The following CNTNAP3B variants were observed in gnomAD, a reference collection of about 807,000 sequenced individuals.
The protein encoded by CNTNAP3B is contactin associated protein family member 3B.
CNTNAP3B carries 25 observed loss-of-function variants against 108.9 expected under a neutral mutation model. That is an observed-to-expected ratio of 0.23 (90% CI 0.17 to 0.32). The LOEUF (loss-of-function observed/expected upper bound fraction) is 0.32. Among genes scored for constraint, CNTNAP3B ranks in the 10% least tolerant of loss-of-function variants. The probability of loss-of-function intolerance (pLI) is 1.00; values close to 1 mark genes in which losing one functional copy is unlikely to be tolerated. For synonymous variants in CNTNAP3B, 103 were observed against 473.4 expected (o/e 0.22, Z 10.16); for missense variants, 252 against 1,210.4 (o/e 0.21, Z 11.75).
chr9:41,986,624 G>T (rs1185545681), intron 8 of CNTNAP3B, among the ~76,000 whole-genome samples: 1 of 151,380 alleles, frequency 6.6e-6, no homozygotes, highest in Non-Finnish European at 1.5e-5. Flanking sequence ...AAACAACACA[G>T]TTTGGTTTAA....
intron 15 of CNTNAP3B, among the ~76,000 whole-genome samples, chr9:41,925,741 A>C (rs1823800533): frequency 6.6e-6 from 1 of 152,300 alleles, no homozygotes; most frequent in African/African-American, 2.4e-5. Flanking sequence ...TTTGATGCTT[A>C]AGTTGTCTCA....
rs1239924166 is a variant in CNTNAP3B at position 41,952,148 on chromosome 9, G to A, written c.2080+1035C>T. Among the ~76,000 whole-genome samples, 7 of 152,374 alleles carry A rather than the reference G, an allele frequency of 4.6e-5. No homozygotes were observed. The South Asian group carries it at 1.4e-3, about 32-fold the overall frequency. ...GACTAGGGAAGGCAATGCAGGTATGGGTTAGTGGATCAGCGCAAACCACCT... is the reference window on the plus strand; with the variant it reads ...GACTAGGGAAGGCAATGCAGGTATGAGTTAGTGGATCAGCGCAAACCACCT... On this transcript the variant is annotated intron_variant, in intron 13 of 23. Transcript: ENST00000377561.
chr9:41,938,603 C>A (rs1460032715), intron 13 of CNTNAP3B, among the ~76,000 whole-genome samples: 1 of 152,280 alleles, frequency 6.6e-6, no homozygotes. Flanking sequence ...ATTTCAATAT[C>A]TAGGCTTAAA....
chr9:41,953,349 G>T lies in CNTNAP3B; in HGVS notation c.1914C>A (p.Pro638=), dbSNP rs780883988. 7.7e-6 allele frequency: 12 copies of T among 1,552,414 alleles called. No individual in the cohort carries two copies. Among genetic ancestry groups the T allele is most frequent in the Admixed American group, 2.0e-5 (1 of 51,148 alleles). The change falls in exon 13 of 24, where the codon CCC becomes CCA. Residue 638 remains proline (P), a synonymous_variant. Coordinates refer to ENST00000377561, the MANE Select transcript of CNTNAP3B (RefSeq NM_001201380.3). ...GGGCACCTCGGAGGGTCACCGCGTC[G>T]GGGCCACCGTGCCGCACCACCGTCC... ...SAWTVVRHGG[P]DAVTLRGAPS...
rs531761371 is a variant in CNTNAP3B, at chr9:42,033,175, C to T, written c.391-19650G>A. The stretch of plus-strand genomic sequence containing the variant: ...GCAAACTTTCTAAAGTTAGGCTTTA[C>T]AAAAGAATCACTTTCCCATTAATAA... On this transcript the variant is annotated intron_variant, in intron 3 of 23. Transcript: ENST00000377561. Among the ~76,000 whole-genome samples, 315 of 138,398 alleles carry T rather than the reference C, an allele frequency of 2.3e-3. 70 individuals carry two copies. The highest frequency in any genetic ancestry group is 8.7e-3 in the African/African-American group (302 of 34,896). 90.8% of individuals were successfully genotyped at this position (138,398 alleles called of 152,430 possible).
At chr9:41,936,059 G>A (rs1047116645) in intron 14 of CNTNAP3B, among the ~76,000 whole-genome samples, 11 of 152,238 alleles carry the variant, frequency 7.2e-5, no homozygotes, top group Non-Finnish European at 1.6e-4. Flanking sequence ...ACTAACAGAA[G>A]GTTCTGTAAC....
intron 3 of CNTNAP3B, among the ~76,000 whole-genome samples, chr9:42,042,378 C>T (rs1405643152): frequency 4.4e-5 from 6 of 136,856 alleles, no homozygotes; most frequent in African/African-American, 1.5e-4. Context: ...GTAAGATTTA[C>T]GCTTACTTAT....
intron 2 of CNTNAP3B, among the ~76,000 whole-genome samples, chr9:42,095,671 G>A (rs1827884164): frequency 7.2e-6 from 1 of 138,696 alleles, no homozygotes; most frequent in African/African-American, 2.9e-5. Flanking sequence ...CTGGAATTCT[G>A]GCTGATACAG....
At chr9:42,086,720 C>T (rs982446751) in intron 2 of CNTNAP3B, among the ~76,000 whole-genome samples, 6 of 113,236 alleles carry the variant, frequency 5.3e-5, no homozygotes, top group African/African-American at 7.5e-5. Context: ...GGCGGCATTA[C>T]AGGTGTGAGC....
intron 13 of CNTNAP3B, among the ~76,000 whole-genome samples, chr9:41,951,959 C>G (rs1181566800): frequency 6.6e-6 from 1 of 152,240 alleles, no homozygotes; most frequent in African/African-American, 2.4e-5. Flanking sequence ...CGCCTGTATT[C>G]TCAGCTATTC....
chr9:42,003,197 C>A (rs1208380535), intron 4 of CNTNAP3B, among the ~76,000 whole-genome samples: 4 of 137,588 alleles, frequency 2.9e-5, no homozygotes, highest in Non-Finnish European at 6.2e-5. Flanking sequence ...CCTACTTTCA[C>A]ATTTTTCACA....
At chr9:41,917,055 G>A (rs1823535717) in intron 18 of CNTNAP3B, among the ~76,000 whole-genome samples, 3 of 152,274 alleles carry the variant, frequency 2.0e-5, no homozygotes, top group Admixed American at 2.0e-4. Context: ...CTGAGCTTCT[G>A]TATCTTAGAT....
intron 2 of CNTNAP3B, among the ~76,000 whole-genome samples, chr9:42,080,605 C>A (rs2118629953): frequency 7.6e-6 from 1 of 131,836 alleles, no homozygotes; most frequent in South Asian, 2.5e-4. Flanking sequence ...GCTGACTCCA[C>A]CCCCAACTAG....
intron 18 of CNTNAP3B, among the ~76,000 whole-genome samples, chr9:41,919,199 A>T (rs1394405238): frequency 1.3e-5 from 2 of 151,688 alleles, no homozygotes; most frequent in East Asian, 3.9e-4. Context: ...CAGTGGTGCG[A>T]TCTCGACTCA....
intron 17 of CNTNAP3B, among the ~76,000 whole-genome samples, chr9:41,921,718 T>G (rs1588040254): frequency 6.6e-6 from 1 of 152,174 alleles, no homozygotes; most frequent in African/African-American, 2.4e-5. Flanking sequence ...GCTATCACCT[T>G]TAAATAAATG....
At position 42,099,165 on chromosome 9, in the gene CNTNAP3B, G is replaced by A. The variant is rs1164887723; in HGVS notation, c.196+5464C>T. ...AAAAAAGTTCTAAGTGATAATTGAT[G>A]TCAACCTGTAAAATTTTTCAACAGC... On this transcript the variant is annotated intron_variant, in intron 2 of 23. Coordinates refer to ENST00000377561, the MANE Select transcript of CNTNAP3B (RefSeq NM_001201380.3). Among the ~76,000 whole-genome samples, 5 of 126,086 alleles carry A rather than the reference G, an allele frequency of 4.0e-5. 1 individual carries two copies. The highest frequency in any genetic ancestry group is 1.6e-4 in the African/African-American group (5 of 31,436). The allele number at this position is 126,086 out of a possible 152,430, so 82.7% of individuals were successfully genotyped here. A position where few individuals can be genotyped will look rare whatever the true frequency, so the allele number is the denominator to read the frequency against.
chr9:41,938,913 G>T (rs1354337634), intron 13 of CNTNAP3B, among the ~76,000 whole-genome samples: 1 of 152,180 alleles, frequency 6.6e-6, no homozygotes, highest in African/African-American at 2.4e-5. Flanking sequence ...TTATTGCATT[G>T]GATGTCCTGA....
chr9:41,924,405 C>A (rs1378853907), intron 15 of CNTNAP3B, among the ~76,000 whole-genome samples: 7 of 152,296 alleles, frequency 4.6e-5, no homozygotes, highest in Admixed American at 4.6e-4. Context: ...AAAGGTACGA[C>A]CAACAGAACT....
intron 6 of CNTNAP3B, among the ~76,000 whole-genome samples, chr9:41,997,223 C>A (rs1380872542): frequency 7.3e-5 from 11 of 150,228 alleles, no homozygotes; most frequent in Non-Finnish European, 1.5e-4. Context: ...AAAAATCCCC[C>A]AGGAATCTGC....
Sources: allele counts gnomAD v4.1 joint callset (sites outside exome capture counted in the v4.1 genomes callset), GRCh38; gene constraint gnomAD v4.1.1; transcripts MANE v1.5; gene names NCBI Gene and HGNC (gene_info 2026-07-23, HGNC 2026-07-21).